Variants in TMEM165 observed in about 807,000 individuals in gnomAD.
TMEM165 encodes the protein transmembrane protein 165, also known as putative divalent cation/proton antiporter TMEM165.
Under a neutral mutation model 30.0 loss-of-function variants are expected in TMEM165, and 19 were observed. The ratio of observed to expected loss-of-function variants is 0.63; its 90% confidence interval spans 0.44 to 0.93. The LOEUF is 0.93. TMEM165 is among the 40% of genes least tolerant of loss of function. The pLI, the probability that TMEM165 is intolerant of heterozygous loss-of-function variation, is 0.00. For synonymous variants in TMEM165, 168 were observed against 162.9 expected, an observed-to-expected ratio of 1.03 and a Z score of -0.24; for missense variants, 340 against 417.0, an observed-to-expected ratio of 0.82 and a Z score of 1.61.
chr4:55,430,698 G>A (rs1247874534), downstream of TMEM165: 2 of 152,120 alleles, frequency 1.3e-5, no homozygotes, highest in Non-Finnish European at 2.9e-5. Flanking sequence ...AAAACACTCA[G>A]AATAATTCTT....
At chr4:55,442,656 T>C in intron 3 of TMEM165, 1 of 1,577,462 alleles carries the variant, frequency 6.3e-7, no homozygotes, top group Non-Finnish European at 8.7e-7. Context: ...AAAGAGATTT[T>C]ATAGACAGAT....
intron 1 of TMEM165, among the ~76,000 whole-genome samples, chr4:55,407,483 C>T (rs1721317929): frequency 6.6e-6 from 1 of 152,112 alleles, no homozygotes; most frequent in Non-Finnish European, 1.5e-5. Context: ...TAAATAGTAG[C>T]ATTTTGGATA....
At chr4:55,424,959 CAT>C (rs1722130267) in intron 5 of TMEM165, 2 of 385,378 alleles carry the variant, frequency 5.2e-6, no homozygotes, top group Admixed American at 4.3e-5. Context: ...AGACTGGAAT[CAT>C]GTGGAGACCA....
chr4:55,396,547 C>T (rs1720738207), intron 1 of TMEM165, 151 bp downstream of exon 1: 4 of 637,596 alleles, frequency 6.3e-6, no homozygotes, highest in Non-Finnish European at 9.7e-6. Context: ...GTCGGCTGCG[C>T]TGTTTTCCGG....
intron 2 of TMEM165, among the ~76,000 whole-genome samples, chr4:55,413,472 G>A (rs1239551603): frequency 3.3e-5 from 5 of 152,042 alleles, no homozygotes; most frequent in Non-Finnish European, 5.9e-5. Flanking sequence ...ATGCCATCAC[G>A]CCTGGATACT....
intron 3 of TMEM165, among the ~76,000 whole-genome samples, chr4:55,451,323 C>A (rs1474198036): frequency 6.6e-6 from 1 of 152,198 alleles, no homozygotes; most frequent in African/African-American, 2.4e-5. Context: ...TACAGCTGAT[C>A]ATTCACTCCT....
In TMEM165 at chr4:55,395,958, A is replaced by C. The variant is rs1453515518; in HGVS notation, c.-232A>C. On this transcript the variant is annotated 5_prime_UTR_variant, in exon 1 of 6. Coordinates refer to ENST00000381334, the MANE Select transcript of TMEM165 (RefSeq NM_018475.5). The stretch of plus-strand genomic sequence containing the variant: ...TGGGCCGCGCCGAGGCAGCTGGCTG[A>C]CTCCAGTTTAGCCGCCGCCGGAGAG... The C allele has an allele frequency of 2.7e-6, 1 of 365,110 alleles. No individual in the cohort carries two copies. Among genetic ancestry groups the C allele is most frequent in the Non-Finnish European group, 4.8e-6 (1 of 208,178 alleles). 22.6% of individuals were successfully genotyped at this position (365,110 alleles called of 1,614,324 possible). A position where few individuals can be genotyped will look rare whatever the true frequency, so the allele number is the denominator to read the frequency against.
chr4:55,419,523 GTTTTTTA>G, intron 4 of TMEM165, among the ~76,000 whole-genome samples: 1 of 152,110 alleles, frequency 6.6e-6, no homozygotes, highest in Non-Finnish European at 1.5e-5. Flanking sequence ...ATGCCCATTG[GTTTTTTA>G]TTTTTTAATT....
Position 55,443,570 on chromosome 4 carries a change from TA to T in TMEM165, c.409-8666del, listed in dbSNP as rs1207960902. 3.7e-6 allele frequency: 3 copies of T among 812,040 alleles called. No individual in the cohort carries two copies. The African/African-American group carries it at 5.1e-5, about 14-fold the overall frequency. The allele number at this position is 812,040 out of a possible 1,614,324, so 50.3% of individuals were successfully genotyped here. ...TAATCACTCTCAATACTATACTTTC[TA>T]AATACTATTAAATTTTGAAATGATA... On this transcript the variant is annotated intron_variant, in intron 3 of 3. Coordinates refer to the TMEM165 transcript ENST00000608091.
Position 55,421,570 on chromosome 4 carries a change from T to G in TMEM165, c.793-2968T>G, listed in dbSNP as rs572767019. ...ACCTTGGCCTCCCAAAGTGCTGAGA[T>G]TACGCCCGGCCTAAATATTACTTTC... On this transcript the variant is annotated intron_variant, in intron 4 of 5. Transcript: ENST00000381334. 6.5e-4 allele frequency among the ~76,000 whole-genome samples: 99 copies of G among 152,260 alleles called. 1 individual carries two copies. Among genetic ancestry groups the G allele is most frequent in the Admixed American group, 6.4e-3 (98 of 15,292 alleles).
At chr4:55,445,657 C>G (rs1470165020) in intron 3 of TMEM165, among the ~76,000 whole-genome samples, 1 of 131,988 alleles carries the variant, frequency 7.6e-6, no homozygotes, top group Non-Finnish European at 1.5e-5. Flanking sequence ...GTGGTGCGAT[C>G]ATGGCTCTCT....
rs370641089 is a variant in TMEM165 at position 55,420,098 on chromosome 4, G to GA, written c.792+2122dup. Among the ~76,000 whole-genome samples, 61 of 43,772 alleles carry GA rather than the reference G, an allele frequency of 1.4e-3. 3 individuals carry two copies. The highest frequency in any genetic ancestry group is 0.012 in the South Asian group (5 of 434). 28.7% of individuals were successfully genotyped at this position (43,772 alleles called of 152,430 possible). A position where few individuals can be genotyped will look rare whatever the true frequency, so the allele number is the denominator to read the frequency against. The stretch of plus-strand genomic sequence containing the variant: ...GTGACAGAGTGAGACACTATCTTAA[G>GA]AAAAAAAAATATATATATATATACA... On this transcript the variant is annotated intron_variant, in intron 4 of 5. Transcript: ENST00000381334.
intron 1 of TMEM165, 102 bp downstream of exon 1, chr4:55,396,498 G>A (rs981274768): frequency 1.9e-6 from 2 of 1,061,838 alleles, no homozygotes; most frequent in African/African-American, 3.4e-5. Context: ...CCTCGGCTGG[G>A]GGAGGGGAGC....
In TMEM165 at chr4:55,424,179, G is replaced by A. The variant is rs553375351; in HGVS notation, c.793-359G>A. On this transcript the variant is annotated intron_variant, in intron 4 of 5. Coordinates refer to ENST00000381334, the MANE Select transcript of TMEM165 (RefSeq NM_018475.5). ...CTCCTAATACCAAGCAGTATCTGAG[G>A]GAACAGATGTCTAGCTTAAAATCCT... is the stretch of plus-strand genomic sequence containing the variant. The A allele has an allele frequency of 3.1e-5, 6 of 191,412 alleles. No homozygotes were observed. In the South Asian group the frequency reaches 7.6e-4, roughly 24 times the overall value. The allele number at this position is 191,412 out of a possible 1,614,324, so 11.9% of individuals were successfully genotyped here.
In TMEM165 at chr4:55,396,165, G is replaced by A; in HGVS notation, c.-25G>A. On this transcript the variant is annotated 5_prime_UTR_variant, in exon 1 of 6. It adds an upstream start codon to the 5' untranslated region. Coordinates refer to ENST00000381334, the MANE Select transcript of TMEM165 (RefSeq NM_018475.5). Reference sequence around the variant, plus strand: ...GCCGGCACTTCCTCTTGCGGCGCCCGTGCGCGGCCGGCCCGGCAGGCGGGA... The same window carrying A: ...GCCGGCACTTCCTCTTGCGGCGCCCATGCGCGGCCGGCCCGGCAGGCGGGA... The A allele has an allele frequency of 1.5e-6, 2 of 1,345,930 alleles. No individual in the cohort carries two copies. Among genetic ancestry groups the A allele is most frequent in the South Asian group, 2.0e-5 (1 of 49,772 alleles). The allele number at this position is 1,345,930 out of a possible 1,614,324, so 83.4% of individuals were successfully genotyped here. A position where few individuals can be genotyped will look rare whatever the true frequency, so the allele number is the denominator to read the frequency against.
chr4:55,416,931 T>C (rs1429231142), intron 2 of TMEM165, 141 bp from the exon 3 acceptor site: 9 of 638,026 alleles, frequency 1.4e-5, no homozygotes, highest in Admixed American at 7.0e-5. Context: ...CTGGAAATAC[T>C]TGAGGTTATT....
chr4:55,441,181 T>C (rs949927464), intron 3 of TMEM165, among the ~76,000 whole-genome samples: 1 of 152,150 alleles, frequency 6.6e-6, no homozygotes, highest in Admixed American at 6.5e-5. Context: ...CCTCAAAAGA[T>C]AGATGTTCAG....
intron 1 of TMEM165, among the ~76,000 whole-genome samples, chr4:55,407,652 G>T (rs1307960502): frequency 6.6e-6 from 1 of 152,178 alleles, no homozygotes; most frequent in African/African-American, 2.4e-5. Flanking sequence ...TGGAGAAGCA[G>T]GTTCATTTGG....
At chr4:55,400,638 C>T (rs1008411971) in intron 1 of TMEM165, among the ~76,000 whole-genome samples, 2 of 148,692 alleles carry the variant, frequency 1.3e-5, no homozygotes, top group Non-Finnish European at 1.5e-5. Flanking sequence ...GAGGTTTTAC[C>T]GTGTTAGCCA....
Sources: allele counts gnomAD v4.1 joint callset (sites outside exome capture counted in the v4.1 genomes callset), GRCh38; gene constraint gnomAD v4.1.1; transcripts MANE v1.5; gene names NCBI Gene and HGNC (gene_info 2026-07-23, HGNC 2026-07-21).